NEURL3: variants seen among roughly 807,000 people sequenced by gnomAD.
The protein encoded by NEURL3 is neuralized E3 ubiquitin protein ligase 3, also known as E3 ubiquitin-protein ligase NEURL3.
In NEURL3, 19 loss-of-function variants were observed where a neutral mutation model predicts 17.6. The observed-to-expected ratio is 1.08, with a 90% CI of 0.75 to 1.58. NEURL3 has a LOEUF of 1.58. NEURL3 is among the 40% of genes most tolerant of loss of function. The probability of loss-of-function intolerance (pLI) is 0.00; values close to 1 mark genes in which losing one functional copy is unlikely to be tolerated. For synonymous variants in NEURL3, 180 were observed against 161.4 expected (o/e 1.11, Z -0.87); for missense variants, 342 against 379.6 (o/e 0.90, Z 0.82).
chr2:96,507,658 T>TTCACCATGTTGGCCAGGATGGTC (rs1386755455), upstream of NEURL3: 1 of 152,270 alleles, frequency 6.6e-6, no homozygotes, highest in Admixed American at 6.5e-5. Flanking sequence ...GAGATGAGGT[T>TTCACCATGTTGGCCAGGATGGTC]TCACCATGTT....
chr2:96,498,149 C>G lies in NEURL3; in HGVS notation c.*95G>C. 1 of 1,285,034 alleles carries G rather than the reference C, an allele frequency of 7.8e-7. No homozygotes were observed. Among genetic ancestry groups the G allele is most frequent in the Non-Finnish European group, 1.0e-6 (1 of 961,056 alleles). 79.6% of individuals were successfully genotyped at this position (1,285,034 alleles called of 1,614,324 possible). ...TTGCTAATCAGCCTTTCTGACTCTT[C>G]CCCAGAAAGAAGGTAGGGCTGCGCC... On this transcript the variant is annotated 3_prime_UTR_variant, in exon 4 of 4. Transcript: ENST00000451794. The surrounding 1 kb of genome is among the most constrained non-coding windows in gnomAD (Gnocchi z 4.4).
At chr2:96,499,578 CAAATTT>C in intron 2 of NEURL3, 129 bp from the exon 3 acceptor site, 3 of 757,880 alleles carry the variant, frequency 4.0e-6, no homozygotes, top group Non-Finnish European at 6.5e-6. Context: ...CCCCCATCCC[CAAATTT>C]TAAGACCCTG....
intron 1 of NEURL3, among the ~76,000 whole-genome samples, chr2:96,504,190 C>T (rs946152041): frequency 1.3e-5 from 2 of 152,180 alleles, no homozygotes; most frequent in African/African-American, 4.8e-5. Context: ...CTAGGGATCT[C>T]CATCCTCACC....
intron 2 of NEURL3, 174 bp downstream of exon 2, chr2:96,500,265 G>T (rs982763499): frequency 1.9e-5 from 17 of 887,788 alleles, no homozygotes; most frequent in African/African-American, 1.3e-4. Context: ...CCCTCCCTAC[G>T]ACTGAGCCTT....
At position 96,499,120 on chromosome 2, in the gene NEURL3, A is replaced by T. The variant is rs1180342670; in HGVS notation, c.586+258T>A. The T allele has an allele frequency of 6.8e-6, 8 of 1,185,132 alleles. No homozygotes were observed. The African/African-American group carries it at 1.3e-4, about 19-fold the overall frequency. The allele number at this position is 1,185,132 out of a possible 1,614,324, so 73.4% of individuals were successfully genotyped here. A position where few individuals can be genotyped will look rare whatever the true frequency, so the allele number is the denominator to read the frequency against. On this transcript the variant is annotated intron_variant, in intron 3 of 3. Coordinates refer to ENST00000451794, the MANE Select transcript of NEURL3 (RefSeq NM_001285485.2). The stretch of plus-strand genomic sequence containing the variant: ...TTCCATTGGCAAAGCATTTACAATG[A>T]ATGTGGATGATTTTTTAAAGCAAGA...
rs1221168479 is a variant in NEURL3 at position 96,498,064 on chromosome 2, TG to T, written c.*179del. ...GAGGGGTTTTTCCTTGCTATCCTGT[TG>T]GGGAACAGGTGGAGGCAGCAGACAG... On this transcript the variant is annotated 3_prime_UTR_variant, in exon 4 of 4. Coordinates refer to ENST00000451794, the MANE Select transcript of NEURL3 (RefSeq NM_001285485.2). The surrounding 1 kb of genome is among the most constrained non-coding windows in gnomAD (Gnocchi z 4.4). 6.4e-6 allele frequency: 4 copies of T among 620,402 alleles called. No individual in the cohort carries two copies. Among genetic ancestry groups the T allele is most frequent in the African/African-American group, 1.9e-5 (1 of 53,986 alleles). 38.4% of individuals were successfully genotyped at this position (620,402 alleles called of 1,614,324 possible). A position where few individuals can be genotyped will look rare whatever the true frequency, so the allele number is the denominator to read the frequency against.
intron 1 of NEURL3, chr2:96,504,419 A>T (rs1469892581): frequency 6.6e-6 from 1 of 152,042 alleles, no homozygotes; most frequent in African/African-American, 2.4e-5. Context: ...CCTGCCAAAC[A>T]CCATTACTGT....
chr2:96,501,751 G>A (rs902580763), intron 1 of NEURL3, among the ~76,000 whole-genome samples: 9 of 152,164 alleles, frequency 5.9e-5, no homozygotes, highest in Admixed American at 3.3e-4. Flanking sequence ...CAGGAAGCTG[G>A]TGGGGCTTCC....
At position 96,500,877 on chromosome 2, in the gene NEURL3, C is replaced by G. The variant is rs758385134; in HGVS notation, c.76G>C (p.Gly26Arg). Reference sequence around the variant, plus strand: ...CGCGTGTCCAGACGCACCTGTGCGCCCTTGGCCTCGGCATGGAAGCGAAGT... The same window carrying G: ...CGCGTGTCCAGACGCACCTGTGCGCGCTTGGCCTCGGCATGGAAGCGAAGT... ...EALRFHAEAK[G>R]AQVRLDTRGC... The change falls in exon 2 of 4, where the codon GGC becomes CGC. Residue 26 changes from glycine to arginine, a missense_variant. Coordinates refer to ENST00000451794, the MANE Select transcript of NEURL3 (RefSeq NM_001285485.2). 1 of 1,550,464 alleles carries G rather than the reference C, an allele frequency of 6.4e-7. No individual in the cohort carries two copies. Among genetic ancestry groups the G allele is most frequent in the Admixed American group, 1.9e-5 (1 of 53,520 alleles).
At chr2:96,502,180 G>A (rs778303052) in intron 1 of NEURL3, among the ~76,000 whole-genome samples, 15 of 152,142 alleles carry the variant, frequency 9.9e-5, no homozygotes, top group African/African-American at 3.6e-4. Context: ...TTCACCCCTC[G>A]CCTGCGCCCC....
rs1318864484 is a variant in NEURL3, at chr2:96,500,853, G to T, written c.100C>A (p.Arg34Ser). ...GTGCGCCTGTGCGCGATGCAGCCAC[G>T]CGTGTCCAGACGCACCTGTGCGCCC... ...AKGAQVRLDT[R>S]GCIAHRRTTF... Residue 34 changes from arginine (R) to serine (S), a missense_variant, in exon 2 of 4, where the codon CGT becomes AGT. Coordinates refer to ENST00000451794, the MANE Select transcript of NEURL3 (RefSeq NM_001285485.2). 6.5e-7 allele frequency: 1 copy of T among 1,534,532 alleles called. No individual in the cohort carries two copies. The highest frequency in any genetic ancestry group is 8.7e-7 in the Non-Finnish European group (1 of 1,147,112).
In NEURL3 at chr2:96,500,491, C is replaced by T. The variant is rs1486153309; in HGVS notation, c.462G>A (p.Pro154=). The change falls in exon 2 of 4, where the codon CCG becomes CCA. Residue 154 remains proline (P), a synonymous_variant. Coordinates refer to ENST00000451794, the MANE Select transcript of NEURL3 (RefSeq NM_001285485.2). ...CATACACGTCCATCACGGCCCAGAG[C>T]GGGGCGCCGACGGGCACGCCCTCAC... ...LLREGVPVGA[P]LWAVMDVYGT... 1.3e-6 allele frequency: 2 copies of T among 1,595,168 alleles called. No individual in the cohort carries two copies. Among genetic ancestry groups the T allele is most frequent in the East Asian group, 4.5e-5 (2 of 44,726 alleles).
chr2:96,501,956 G>A (rs1356065787), intron 1 of NEURL3, among the ~76,000 whole-genome samples: 1 of 152,144 alleles, frequency 6.6e-6, no homozygotes, highest in Non-Finnish European at 1.5e-5. Flanking sequence ...GGCAAGGCAG[G>A]CACTCTGACT....
intron 1 of NEURL3, among the ~76,000 whole-genome samples, chr2:96,504,928 T>C (rs2065548166): frequency 6.7e-6 from 1 of 148,676 alleles, no homozygotes; most frequent in African/African-American, 2.5e-5. Context: ...CCCCCACATA[T>C]GGCTCTTCCA....
Position 96,500,517 on chromosome 2 carries a change from G to A in NEURL3, c.436C>T (p.Arg146Cys), listed in dbSNP as rs767628704. ...GGGGCGCCGACGGGCACGCCCTCAC[G>A]CAGCAGGAGCCGGCAGCCGGCGTTG... is the stretch of plus-strand genomic sequence containing the variant. ...KVNAGCRLLLREGVPVGAPLW... is the reference protein window; with the variant it reads ...KVNAGCRLLLCEGVPVGAPLW... The change falls in exon 2 of 4, where the codon CGT becomes TGT. Residue 146 changes from arginine to cysteine, a missense_variant. By Grantham distance (180) the Arg-to-Cys change is radical. Coordinates refer to ENST00000451794, the MANE Select transcript of NEURL3 (RefSeq NM_001285485.2). 3 of 1,586,664 alleles carry A rather than the reference G, an allele frequency of 1.9e-6. No individual in the cohort carries two copies. In the South Asian group the frequency reaches 3.4e-5, roughly 18 times the overall value.
intron 2 of NEURL3, chr2:96,500,225 T>A: frequency 3.2e-6 from 2 of 616,566 alleles, no homozygotes; most frequent in East Asian, 5.8e-5. Flanking sequence ...GCTGGTCCTA[T>A]CTGCTTATCA....
At position 96,500,525 on chromosome 2, in the gene NEURL3, A is replaced by T; in HGVS notation, c.428T>A (p.Leu143His). 2.5e-6 allele frequency: 4 copies of T among 1,579,190 alleles called. No homozygotes were observed. The highest frequency in any genetic ancestry group is 3.4e-6 in the Non-Finnish European group (4 of 1,171,316). Residue 143 changes from leucine (L) to histidine (H), a missense_variant, in exon 2 of 4, where the codon CTC (leucine) becomes CAC (histidine). Coordinates refer to ENST00000451794, the MANE Select transcript of NEURL3 (RefSeq NM_001285485.2). ...GACGGGCACGCCCTCACGCAGCAGG[A>T]GCCGGCAGCCGGCGTTGACCTTGGC... is the stretch of plus-strand genomic sequence containing the variant. ...LFAKVNAGCR[L>H]LLREGVPVGA...
rs567734645 is a variant in NEURL3, at chr2:96,500,924, T to C, written c.29A>G (p.Asn10Ser). 2 of 1,557,640 alleles carry C rather than the reference T, an allele frequency of 1.3e-6. No individual in the cohort carries two copies. Among genetic ancestry groups the C allele is most frequent in the East Asian group, 2.3e-5 (1 of 42,590 alleles). The change falls in exon 2 of 4, where the codon AAC becomes AGC. Residue 10 changes from asparagine to serine, a missense_variant and splice_region_variant. Physicochemically the swap from Asn to Ser is conservative, Grantham distance 46. Transcript: ENST00000451794. ...AAGTGCCTCTCGGGGCGCCTTGGCG[T>C]CTGTGGGTTGAGGATGGGGAGTGTC... The part of the protein sequence containing the change: MGAQLCFEA[N>S]AKAPREALRF...
chr2:96,506,703 C>A (rs982306716), upstream of NEURL3, among the ~76,000 whole-genome samples: 3 of 152,396 alleles, frequency 2.0e-5, no homozygotes, highest in Admixed American at 2.0e-4. Flanking sequence ...CAGAGCGCTG[C>A]AGCCATGCAT....
Sources: gnomAD v4.1 joint callset for allele counts (sites outside exome capture counted in the v4.1 genomes callset) on GRCh38, gnomAD v4.1.1 for gene constraint, Gnocchi (gnomAD v3.1) non-coding constraint, MANE v1.5 for transcripts, NCBI Gene and HGNC (gene_info 2026-07-23, HGNC 2026-07-21) for gene names.